The following PTPRN2 variants were observed in gnomAD, a reference collection of about 807,000 sequenced individuals.
PTPRN2 encodes the protein receptor-type tyrosine-protein phosphatase N2.
A neutral mutation model predicts 118.8 loss-of-function variants in PTPRN2; 74 were observed. That is an observed-to-expected ratio of 0.62 (90% CI 0.52 to 0.76). The LOEUF is 0.76. PTPRN2 is among the 30% of genes least tolerant of loss of function. The pLI is 0.00. For missense variants in PTPRN2, 1,481 were observed against 1,394.4 expected (o/e 1.06, Z -0.99); for synonymous variants, 641 against 608.0 (o/e 1.05, Z -0.80).
Position 157,801,411 on chromosome 7 carries a change from G to A in PTPRN2, c.1788+97262C>T, listed in dbSNP as rs551393376. Among the ~76,000 whole-genome samples the A allele has an allele frequency of 2.0e-5, 3 of 151,908 alleles. No homozygotes were observed. Among genetic ancestry groups the A allele is most frequent in the African/African-American group, 4.9e-5 (2 of 41,226 alleles). ...TATTCACGGAGAGGCTCTGCATCAC[G>A]AGAGTGCTGCGTTAACCCAGGTGCG... On this transcript the variant is annotated intron_variant, in intron 12 of 22. Transcript: ENST00000389418. The surrounding 1 kb of genome is among the most constrained non-coding windows in gnomAD (Gnocchi z 4.2).
At chr7:158,568,854 A>G (rs977523301) in intron 1 of PTPRN2, among the ~76,000 whole-genome samples, 2 of 152,308 alleles carry the variant, frequency 1.3e-5, no homozygotes, top group South Asian at 2.1e-4. Context: ...TCCTCCAGGC[A>G]CAGGATTACA....
At chr7:158,075,256 G>C (rs1409211976) in intron 11 of PTPRN2, among the ~76,000 whole-genome samples, 1 of 152,164 alleles carries the variant, frequency 6.6e-6, no homozygotes, top group East Asian at 1.9e-4. Context: ...TACCATCTCC[G>C]ATTCCCTAAA....
chr7:158,545,125 C>T (rs1394672378), intron 1 of PTPRN2, among the ~76,000 whole-genome samples: 1 of 152,214 alleles, frequency 6.6e-6, no homozygotes, highest in East Asian at 1.9e-4. Flanking sequence ...CAACATCCAC[C>T]GGGTTTTTCT....
At chr7:157,748,419 C>CGA (rs1801170995) in intron 12 of PTPRN2, among the ~76,000 whole-genome samples, 2 of 70,856 alleles carry the variant, frequency 2.8e-5, no homozygotes, top group Admixed American at 1.9e-4. Context: ...CGGGGTTTCT[C>CGA]GGTAATTCTG....
intron 2 of PTPRN2, among the ~76,000 whole-genome samples, chr7:158,453,959 C>G (rs1348468357): frequency 1.7e-5 from 2 of 119,584 alleles, no homozygotes; most frequent in Admixed American, 1.7e-4. Flanking sequence ...TCACCGATGT[C>G]AGGACTGGGG....
At chr7:157,843,628 C>T (rs538643498) in intron 12 of PTPRN2, among the ~76,000 whole-genome samples, 1 of 152,298 alleles carries the variant, frequency 6.6e-6, no homozygotes, top group African/African-American at 2.4e-5. Context: ...ACACAGAAGG[C>T]CCAGAGCCGC....
intron 2 of PTPRN2, among the ~76,000 whole-genome samples, chr7:158,461,365 A>T (rs946700668): frequency 6.6e-6 from 1 of 152,056 alleles, no homozygotes; most frequent in Non-Finnish European, 1.5e-5. Flanking sequence ...GCGTGGTGGC[A>T]GGCGCCTGTA....
chr7:158,069,051 C>T lies in PTPRN2; in HGVS notation c.1723+12247G>A, dbSNP rs548271667. Among the ~76,000 whole-genome samples, 110 of 152,272 alleles carry T rather than the reference C, an allele frequency of 7.2e-4. 1 individual carries two copies. The highest frequency in any genetic ancestry group is 1.3e-3 in the Non-Finnish European group (89 of 68,040). On this transcript the variant is annotated intron_variant, in intron 11 of 22. Coordinates refer to ENST00000389418, the MANE Select transcript of PTPRN2 (RefSeq NM_002847.5). ...TGTAAGCCGTGGGCTTTGCATCATACGAATCATCGCATCTCGTTAGTGAAG... is the reference window on the plus strand; with the variant it reads ...TGTAAGCCGTGGGCTTTGCATCATATGAATCATCGCATCTCGTTAGTGAAG...
At chr7:158,352,540 C>T (rs544878319) in intron 2 of PTPRN2, among the ~76,000 whole-genome samples, 7 of 152,310 alleles carry the variant, frequency 4.6e-5, no homozygotes, top group Admixed American at 1.3e-4. Flanking sequence ...GCAGCCGATT[C>T]GTGGCTGGAT....
rs149562572 is a variant in PTPRN2, at chr7:158,268,325, C to T, written c.277+48494G>A. 7.1e-3 allele frequency among the ~76,000 whole-genome samples: 1,012 copies of T among 143,352 alleles called. 13 individuals are homozygous for T. Among genetic ancestry groups the T allele is most frequent in the African/African-American group, 0.025 (941 of 37,908 alleles). 94.0% of individuals were successfully genotyped at this position (143,352 alleles called of 152,430 possible). On this transcript the variant is annotated intron_variant, in intron 3 of 22. Transcript: ENST00000389418. ...GCGGGTGTGAAATATCCCAGCCGCA[C>T]GCACACAGGGCGGGTGTGAAATATC...
In PTPRN2 at chr7:158,015,556, C is replaced by T. The variant is rs1237269059; in HGVS notation, c.1723+65742G>A. ...GTCCTCACCGCCCCCGCCCCTCACCCCTGTATGTGCATCTGGAATCCACTT... is the reference window on the plus strand; with the variant it reads ...GTCCTCACCGCCCCCGCCCCTCACCTCTGTATGTGCATCTGGAATCCACTT... On this transcript the variant is annotated intron_variant, in intron 11 of 22. Transcript: ENST00000389418. The surrounding 1 kb of genome is among the most constrained non-coding windows in gnomAD (Gnocchi z 4.2). Among the ~76,000 whole-genome samples the T allele has an allele frequency of 6.6e-6, 1 of 152,054 alleles. No individual in the cohort carries two copies. Among genetic ancestry groups the T allele is most frequent in the Non-Finnish European group, 1.5e-5 (1 of 68,010 alleles).
intron 12 of PTPRN2, among the ~76,000 whole-genome samples, chr7:157,727,355 G>T (rs1799658270): frequency 2.0e-5 from 3 of 152,202 alleles, no homozygotes; most frequent in Non-Finnish European, 4.4e-5. Flanking sequence ...CATGTGCCCA[G>T]TGAAATAAGC....
At chr7:158,336,581 TGCA>T (rs1805586378) in intron 2 of PTPRN2, among the ~76,000 whole-genome samples, 1 of 129,346 alleles carries the variant, frequency 7.7e-6, no homozygotes, top group African/African-American at 3.1e-5. Flanking sequence ...AGTTGACACC[TGCA>T]GACGTCATTC....
At chr7:158,149,484 A>C (rs1026173222) in intron 6 of PTPRN2, among the ~76,000 whole-genome samples, 1 of 152,102 alleles carries the variant, frequency 6.6e-6, no homozygotes, top group African/African-American at 2.4e-5. Context: ...TAACAAAGGC[A>C]ATCCAATTAA....
At chr7:157,871,720 T>A (rs545395200) in intron 12 of PTPRN2, among the ~76,000 whole-genome samples, 1 of 151,856 alleles carries the variant, frequency 6.6e-6, no homozygotes, top group South Asian at 2.1e-4. Flanking sequence ...CTAACACACA[T>A]ATACACATAC....
chr7:157,753,786 C>T (rs1801624593), intron 12 of PTPRN2, among the ~76,000 whole-genome samples: 1 of 152,200 alleles, frequency 6.6e-6, no homozygotes, highest in Non-Finnish European at 1.5e-5. Flanking sequence ...GCTGCAGGTC[C>T]CTGCTCTCCT....
intron 13 of PTPRN2, among the ~76,000 whole-genome samples, chr7:157,673,126 C>A (rs1420730814): frequency 1.3e-5 from 2 of 152,144 alleles, no homozygotes; most frequent in Non-Finnish European, 2.9e-5. Flanking sequence ...CAGGTTCAAG[C>A]AATTTTCCTG....
rs769837290 is a variant in PTPRN2 at position 157,576,784 on chromosome 7, C to A, written c.2617-5G>T. ...GTGCTCGGAGACCAGGTTCACCTGG[C>A]AGGGAGGAGCGGAGGGAGGGGACAG... On this transcript the variant is annotated splice_polypyrimidine_tract_variant and splice_region_variant and intron_variant, in intron 18 of 22. Transcript: ENST00000389418. 2 of 1,593,822 alleles carry A rather than the reference C, an allele frequency of 1.3e-6. No homozygotes were observed. Among genetic ancestry groups the A allele is most frequent in the East Asian group, 2.3e-5 (1 of 44,070 alleles).
intron 11 of PTPRN2, among the ~76,000 whole-genome samples, chr7:157,908,507 T>C (rs1797904424): frequency 6.6e-6 from 1 of 152,230 alleles, no homozygotes; most frequent in African/African-American, 2.4e-5. Flanking sequence ...TGCCCACTCT[T>C]GCGTTTCTTT....
Sources: allele counts gnomAD v4.1 joint callset (sites outside exome capture counted in the v4.1 genomes callset), GRCh38; gene constraint gnomAD v4.1.1; non-coding constraint Gnocchi (gnomAD v3.1); transcripts MANE v1.5; gene names NCBI Gene and HGNC (gene_info 2026-07-23, HGNC 2026-07-21).